Variants in EMC8 observed in about 807,000 individuals in gnomAD.
The protein encoded by EMC8 is ER membrane protein complex subunit 8.
Under a neutral mutation model 24.3 loss-of-function variants are expected in EMC8, and 11 were observed. The ratio of observed to expected loss-of-function variants is 0.45; its 90% CI spans 0.28 to 0.75. The LOEUF (loss-of-function observed/expected upper bound fraction) is 0.75, where lower values mean the gene tolerates loss of function less well. EMC8 is among the 30% of genes least tolerant of loss of function. The pLI, the probability that EMC8 is intolerant of heterozygous loss-of-function variation, is 0.12. For missense variants in EMC8, 277 were observed against 282.7 expected (o/e 0.98, Z 0.14); for synonymous variants, 145 against 117.7 (o/e 1.23, Z -1.50).
intron 2 of EMC8, among the ~76,000 whole-genome samples, chr16:85,787,357 C>T (rs1032525577): frequency 6.6e-6 from 1 of 151,922 alleles, no homozygotes; most frequent in Non-Finnish European, 1.5e-5. Flanking sequence ...CTAAGTCTCC[C>T]GGCCCCTGCC....
In EMC8 at chr16:85,789,824, A is replaced by G. The variant is rs114027372; in HGVS notation, c.232-774T>C. Among the ~76,000 whole-genome samples the G allele has an allele frequency of 4.5e-3, 647 of 143,378 alleles. 4 individuals are homozygous for G. The highest frequency in any genetic ancestry group is 0.019 in the African/African-American group (624 of 33,418). 94.1% of individuals were successfully genotyped at this position (143,378 alleles called of 152,430 possible). On this transcript the variant is annotated intron_variant, in intron 1 of 4. Transcript: ENST00000253457. ...AAAAAAAAAAAAAAAAGTCTTTTAT[A>G]CTCCATCTCAGCATTCTAAGCACCG...
At chr16:85,798,124 T>TG in intron 1 of EMC8, among the ~76,000 whole-genome samples, 1 of 139,920 alleles carries the variant, frequency 7.1e-6, no homozygotes, top group Admixed American at 7.2e-5. Context: ...GTTTTTTTTT[T>TG]TTTTTTTTTT....
chr16:85,780,584 G>C lies in EMC8; in HGVS notation c.379-111C>G, dbSNP rs1405162234. ...CCGTGCCCACGCTGGCTGGGGCAGA[G>C]ACTCTTCCGACAGAGCCTGTATGCA... On this transcript the variant is annotated intron_variant, in intron 3 of 4. Coordinates refer to ENST00000253457, the MANE Select transcript of EMC8 (RefSeq NM_006067.5). 9.7e-6 allele frequency: 7 copies of C among 718,650 alleles called. No homozygotes were observed. The East Asian group carries it at 1.1e-4, about 11-fold the overall frequency. The allele number at this position is 718,650 out of a possible 1,614,324, so 44.5% of individuals were successfully genotyped here. A position where few individuals can be genotyped will look rare whatever the true frequency, so the allele number is the denominator to read the frequency against.
At chr16:85,797,921 T>A (rs1905314196) in intron 1 of EMC8, among the ~76,000 whole-genome samples, 1 of 152,184 alleles carries the variant, frequency 6.6e-6, no homozygotes, top group African/African-American at 2.4e-5. Flanking sequence ...CGATGGAATT[T>A]ATAGATGGTC....
rs770721766 is a variant in EMC8, at chr16:85,799,244, C to A, written c.52G>T (p.Gly18Cys). The change falls in exon 1 of 5, where the codon GGC becomes TGC. Residue 18 changes from glycine to cysteine, a missense_variant. By Grantham distance (159) the Gly-to-Cys change is radical (BLOSUM62 -3). Coordinates refer to ENST00000253457, the MANE Select transcript of EMC8 (RefSeq NM_006067.5). This position sits in a 1 kb window ranked among gnomAD's most constrained non-coding sequence, Gnocchi z 4.2. ...ACGGCGCAGTGCGGGTACTTGGCGCCGTGCAGCACCATCTTGCAGTAGGCC... is the reference window on the plus strand; with the variant it reads ...ACGGCGCAGTGCGGGTACTTGGCGCAGTGCAGCACCATCTTGCAGTAGGCC... ...TQAYCKMVLH[G>C]AKYPHCAVNG... 2.5e-6 allele frequency: 4 copies of A among 1,612,828 alleles called. No homozygotes were observed. The highest frequency in any genetic ancestry group is 2.5e-6 in the Non-Finnish European group (3 of 1,179,882).
intron 4 of EMC8, 189 bp from the exon 5 acceptor site, chr16:85,780,056 G>C: frequency 1.6e-6 from 1 of 610,436 alleles, no homozygotes; most frequent in East Asian, 2.8e-5. Flanking sequence ...ATACATGGAA[G>C]GGACGCCTTT....
At chr16:85,782,358 C>T (rs1256799170) in intron 2 of EMC8, among the ~76,000 whole-genome samples, 1 of 152,188 alleles carries the variant, frequency 6.6e-6, no homozygotes, top group Admixed American at 6.5e-5. Context: ...ACCTTTCTAC[C>T]TTAAGTTAAT....
chr16:85,789,626 T>C (rs773428963), intron 1 of EMC8, among the ~76,000 whole-genome samples: 1 of 151,972 alleles, frequency 6.6e-6, no homozygotes, highest in Non-Finnish European at 1.5e-5. Context: ...ACCCCATCTC[T>C]ACTAAAAATA....
chr16:85,799,050 C>A lies in EMC8; in HGVS notation c.231+15G>T, dbSNP rs1905440673. 6.6e-7 allele frequency: 1 copy of A among 1,512,540 alleles called. No homozygotes were observed. The allele number at this position is 1,512,540 out of a possible 1,614,324, so 93.7% of individuals were successfully genotyped here. A position where few individuals can be genotyped will look rare whatever the true frequency, so the allele number is the denominator to read the frequency against. On this transcript the variant is annotated intron_variant, in intron 1 of 4. Transcript: ENST00000253457. The surrounding 1 kb of genome is among the most constrained non-coding windows in gnomAD (Gnocchi z 4.2). ...CAGGCTGCCTGCAAGGGGAAGGGGC[C>A]CTTTCCGCGCTTACCAGGGTGAGAG...
chr16:85,789,268 G>A (rs1247877768), intron 1 of EMC8, among the ~76,000 whole-genome samples: 1 of 152,196 alleles, frequency 6.6e-6, no homozygotes, highest in African/African-American at 2.4e-5. Context: ...CAGTCCCAGC[G>A]AGAAGACCCT....
chr16:85,796,044 G>C (rs1307409141), intron 1 of EMC8, among the ~76,000 whole-genome samples: 1 of 152,128 alleles, frequency 6.6e-6, no homozygotes, highest in African/African-American at 2.4e-5. Context: ...CAGTCCTCAA[G>C]TGCTAAGACC....
At chr16:85,795,718 C>T (rs1291238933) in intron 1 of EMC8, among the ~76,000 whole-genome samples, 1 of 152,174 alleles carries the variant, frequency 6.6e-6, no homozygotes, top group Non-Finnish European at 1.5e-5. Flanking sequence ...AACCCATAAA[C>T]ATAAGGTTTT....
rs770904356 is a variant in EMC8 at position 85,799,166 on chromosome 16, G to A, written c.130C>T (p.Leu44=). Reference sequence around the variant, plus strand: ...GTGTGGTGGGCGCCGGGGCCGCCCAGGGGGAGGTGCTCCTTACGCGGCTTC... The same window carrying A: ...GTGTGGTGGGCGCCGGGGCCGCCCAAGGGGAGGTGCTCCTTACGCGGCTTC... ...KQKPRKEHLP[L]GGPGAHHTLF... Residue 44 remains leucine (L), a synonymous_variant, in exon 1 of 5, where the codon CTG becomes TTG. Coordinates refer to ENST00000253457, the MANE Select transcript of EMC8 (RefSeq NM_006067.5). The surrounding 1 kb of genome is among the most constrained non-coding windows in gnomAD (Gnocchi z 4.2). 6.2e-7 allele frequency: 1 copy of A among 1,610,610 alleles called. No individual in the cohort carries two copies. Among genetic ancestry groups the A allele is most frequent in the South Asian group, 1.1e-5 (1 of 90,586 alleles).
At chr16:85,786,273 T>A (rs182897864) in intron 2 of EMC8, among the ~76,000 whole-genome samples, 54 of 152,334 alleles carry the variant, frequency 3.5e-4, no homozygotes, top group Middle Eastern at 6.8e-3. Context: ...TGCAAGACAC[T>A]GTGAATGAGG....
intron 2 of EMC8, 61 bp from the exon 3 acceptor site, chr16:85,781,341 C>CACAG: frequency 9.7e-7 from 1 of 1,034,352 alleles, no homozygotes; most frequent in Middle Eastern, 2.0e-4. Context: ...TTACAAAAGG[C>CACAG]ACAGTCAACA....
chr16:85,780,575 T>C, intron 3 of EMC8, 102 bp from the exon 4 acceptor site: 1 of 775,720 alleles, frequency 1.3e-6, no homozygotes, highest in South Asian at 1.5e-5. Flanking sequence ...CCACGCTGGC[T>C]GGGGCAGAGA....
At chr16:85,780,759 G>A in intron 3 of EMC8, 1 of 505,946 alleles carries the variant, frequency 2.0e-6, no homozygotes, top group Non-Finnish European at 3.6e-6. Context: ...GTTCAGCAAG[G>A]CCCTTGATGT....
chr16:85,786,593 G>A (rs1345872275), intron 2 of EMC8, among the ~76,000 whole-genome samples: 1 of 152,170 alleles, frequency 6.6e-6, no homozygotes, highest in African/African-American at 2.4e-5. Context: ...CTATTCCAGG[G>A]TGGCAGACTC....
rs1303709603 is a variant in EMC8, at chr16:85,799,079, C to T, written c.217G>A (p.Val73Met). The T allele has an allele frequency of 6.4e-7, 1 of 1,554,658 alleles. No individual in the cohort carries two copies. The highest frequency in any genetic ancestry group is 8.7e-7 in the Non-Finnish European group (1 of 1,148,484). Reference sequence around the variant, plus strand: ...TCCGCGCTTACCAGGGTGAGAGCCACCTCCAGCATGGGGGCGAGGGCCAGG... The same window carrying T: ...TCCGCGCTTACCAGGGTGAGAGCCATCTCCAGCATGGGGGCGAGGGCCAGG... The part of the protein sequence containing the change: ...GTLALAPMLE[V>M]ALTLIDSWCK... The change falls in exon 1 of 5, where the codon GTG becomes ATG. Residue 73 changes from valine to methionine, a missense_variant. Physicochemically the swap from Val to Met is conservative, Grantham distance 21. Coordinates refer to ENST00000253457, the MANE Select transcript of EMC8 (RefSeq NM_006067.5). This position sits in a 1 kb window ranked among gnomAD's most constrained non-coding sequence, Gnocchi z 4.2.
Sources: gnomAD v4.1 joint callset for allele counts (sites outside exome capture counted in the v4.1 genomes callset) on GRCh38, gnomAD v4.1.1 for gene constraint, Gnocchi (gnomAD v3.1) non-coding constraint, MANE v1.5 for transcripts, NCBI Gene and HGNC (gene_info 2026-07-23, HGNC 2026-07-21) for gene names.